MARCHF3: variants seen among roughly 807,000 people sequenced by gnomAD.
MARCHF3 encodes the protein E3 ubiquitin-protein ligase MARCHF3.
A neutral mutation model predicts 24.2 loss-of-function variants in MARCHF3; 13 were observed. That is an observed-to-expected ratio of 0.54 (90% CI 0.35 to 0.85). The LOEUF (loss-of-function observed/expected upper bound fraction) is 0.85. Among genes scored for constraint, MARCHF3 ranks in the 40% least tolerant of loss-of-function variants. MARCHF3 has a pLI of 0.01. For synonymous variants in MARCHF3, 144 were observed against 137.3 expected, an observed-to-expected ratio of 1.05 and a Z score of -0.34; for missense variants, 276 against 325.0, an observed-to-expected ratio of 0.85 and a Z score of 1.16.
At chr5:126,956,968 C>A (rs1319909629) in intron 1 of MARCHF3, among the ~76,000 whole-genome samples, 1 of 152,180 alleles carries the variant, frequency 6.6e-6, no homozygotes, top group East Asian at 1.9e-4. Flanking sequence ...CCCAGGTTGG[C>A]CTGGACCTGC....
chr5:126,912,705 C>A (rs1754580729), intron 3 of MARCHF3, among the ~76,000 whole-genome samples: 1 of 152,214 alleles, frequency 6.6e-6, no homozygotes, highest in South Asian at 2.1e-4. Flanking sequence ...ACTCTGCCCG[C>A]ACCTGGTTCT....
chr5:126,918,278 T>C, intron 1 of MARCHF3, 51 bp from the exon 2 acceptor site: 1 of 1,129,432 alleles, frequency 8.9e-7, no homozygotes, highest in Non-Finnish European at 1.2e-6. Context: ...TAATAGAAAA[T>C]GGAGAATTAT....
chr5:126,989,334 C>A (rs79479181), intron 1 of MARCHF3, among the ~76,000 whole-genome samples: 18,648 of 139,754 alleles, frequency 0.13, 1,723 homozygotes, highest in African/African-American at 0.29. Context: ...ACTACTACTA[C>A]TACTAATAAT....
chr5:126,990,149 C>T (rs956312601), intron 1 of MARCHF3, among the ~76,000 whole-genome samples: 1 of 144,930 alleles, frequency 6.9e-6, no homozygotes, highest in African/African-American at 2.6e-5. Context: ...TCAAACTATA[C>T]TACAAGGCTA....
chr5:127,021,568 C>G (rs1417743014), intron 1 of MARCHF3, among the ~76,000 whole-genome samples: 2 of 152,134 alleles, frequency 1.3e-5, no homozygotes, highest in Non-Finnish European at 2.9e-5. Context: ...TGCCTTAGCT[C>G]TTGAAACGGT....
chr5:127,016,787 C>A (rs1401831112), intron 1 of MARCHF3, among the ~76,000 whole-genome samples: 1 of 152,120 alleles, frequency 6.6e-6, no homozygotes, highest in Admixed American at 6.5e-5. Context: ...ATAAATCATG[C>A]TACTAAGACA....
intron 3 of MARCHF3, among the ~76,000 whole-genome samples, chr5:126,890,545 T>C (rs918911321): frequency 6.6e-6 from 1 of 151,422 alleles, no homozygotes; most frequent in Non-Finnish European, 1.5e-5. Context: ...GTGTTTGGTT[T>C]TTTGTTCTTG....
intron 3 of MARCHF3, among the ~76,000 whole-genome samples, chr5:126,879,664 G>C (rs1263564902): frequency 6.6e-6 from 1 of 152,182 alleles, no homozygotes; most frequent in Non-Finnish European, 1.5e-5. Context: ...TTACATACTG[G>C]TGTCAATTCA....
At chr5:126,892,500 G>C (rs979599439) in intron 3 of MARCHF3, among the ~76,000 whole-genome samples, 7 of 147,914 alleles carry the variant, frequency 4.7e-5, no homozygotes, top group South Asian at 2.3e-4. Context: ...TAGCATGAAG[G>C]GTTGTTGAAT....
intron 1 of MARCHF3, among the ~76,000 whole-genome samples, chr5:126,969,017 AT>A (rs1750907961): frequency 6.6e-6 from 1 of 152,040 alleles, no homozygotes; most frequent in Non-Finnish European, 1.5e-5. Context: ...AATTTTAATT[AT>A]TTTTTCTTTC....
chr5:126,890,667 T>G (rs1177278077), intron 3 of MARCHF3, among the ~76,000 whole-genome samples: 1 of 151,334 alleles, frequency 6.6e-6, no homozygotes, highest in Admixed American at 6.6e-5. Context: ...TGTGCCACAT[T>G]TTCTTAATCC....
At chr5:126,890,751 T>C (rs1753661555) in intron 3 of MARCHF3, among the ~76,000 whole-genome samples, 1 of 151,086 alleles carries the variant, frequency 6.6e-6, no homozygotes, top group Non-Finnish European at 1.5e-5. Context: ...TAAACATACA[T>C]GTGCATGTGT....
intron 3 of MARCHF3, among the ~76,000 whole-genome samples, chr5:126,902,552 C>T (rs1439398659): frequency 6.6e-6 from 1 of 152,080 alleles, no homozygotes; most frequent in African/African-American, 2.4e-5. Context: ...ATTTTCCCTC[C>T]AAATTAATCC....
At chr5:126,929,955 G>A (rs552934306) in intron 1 of MARCHF3, among the ~76,000 whole-genome samples, 1 of 152,278 alleles carries the variant, frequency 6.6e-6, no homozygotes, top group South Asian at 2.1e-4. Context: ...CCATGATTGT[G>A]AGGCCTCCCC....
intron 1 of MARCHF3, among the ~76,000 whole-genome samples, chr5:126,954,992 G>T (rs1200118298): frequency 6.6e-6 from 1 of 151,970 alleles, no homozygotes; most frequent in East Asian, 1.9e-4. Context: ...ACAGCATATA[G>T]TATCATTTTA....
chr5:126,903,645 A>G (rs568977761), intron 3 of MARCHF3, among the ~76,000 whole-genome samples: 2 of 151,914 alleles, frequency 1.3e-5, no homozygotes, highest in African/African-American at 4.8e-5. Flanking sequence ...GTATATATAT[A>G]TAAAATCTCT....
rs1483778695 is a variant in MARCHF3 at position 126,918,135 on chromosome 5, G to A, written c.37C>T (p.Leu13=). The change falls in exon 2 of 5, where the codon CTG becomes TTG. Residue 13 remains leucine, a synonymous_variant. Coordinates refer to ENST00000308660, the MANE Select transcript of MARCHF3 (RefSeq NM_178450.5). ...TSRCSHLPEV[L]PDCTSSAAPV... is the part of the protein sequence containing the mutation. ...GCAGCTGAGCTGGTGCAGTCTGGCA[G>A]GACTTCGGGCAGGTGACTGCAGCGG... 1.2e-6 allele frequency: 2 copies of A among 1,613,934 alleles called. No individual in the cohort carries two copies. Among genetic ancestry groups the A allele is most frequent in the Admixed American group, 1.7e-5 (1 of 60,004 alleles).
intron 3 of MARCHF3, among the ~76,000 whole-genome samples, chr5:126,903,790 T>A (rs1754185764): frequency 6.6e-6 from 1 of 152,062 alleles, no homozygotes; most frequent in Non-Finnish European, 1.5e-5. Flanking sequence ...TTACACTGAA[T>A]CCTGGGCACA....
At chr5:126,991,399 G>A (rs897082270) in intron 1 of MARCHF3, among the ~76,000 whole-genome samples, 1 of 152,178 alleles carries the variant, frequency 6.6e-6, no homozygotes, top group Admixed American at 6.5e-5. Flanking sequence ...GGCCTGTTAG[G>A]GGGTGGGAGT....
Sources: gnomAD v4.1 joint callset for allele counts (sites outside exome capture counted in the v4.1 genomes callset) on GRCh38, gnomAD v4.1.1 for gene constraint, MANE v1.5 for transcripts, NCBI Gene and HGNC (gene_info 2026-07-23, HGNC 2026-07-21) for gene names.